RPTOR: variants seen among roughly 807,000 people sequenced by gnomAD.
RPTOR encodes the protein regulatory associated protein of MTOR complex 1.
In RPTOR, 21 loss-of-function variants were observed where a neutral mutation model predicts 169.9. The ratio of observed to expected loss-of-function variants is 0.12; its 90% CI spans 0.09 to 0.18. The LOEUF (loss-of-function observed/expected upper bound fraction) is 0.18, where lower values mean the gene tolerates loss of function less well. RPTOR is among the 10% of genes least tolerant of loss of function. The pLI, the probability that RPTOR is intolerant of heterozygous loss-of-function variation, is 1.00. For synonymous variants in RPTOR, 732 were observed against 753.2 expected (o/e 0.97, Z 0.46); for missense variants, 1,133 against 1,855.9 (o/e 0.61, Z 7.16).
At chr17:80,840,250 G>A (rs767309012) in intron 10 of RPTOR, among the ~76,000 whole-genome samples, 4 of 152,082 alleles carry the variant, frequency 2.6e-5, no homozygotes, top group Non-Finnish European at 4.4e-5. Flanking sequence ...GTGCCTGCCC[G>A]CTGTCACTCA....
At chr17:80,769,578 C>T (rs1459866962) in intron 6 of RPTOR, among the ~76,000 whole-genome samples, 2 of 152,216 alleles carry the variant, frequency 1.3e-5, no homozygotes, top group Non-Finnish European at 2.9e-5. Flanking sequence ...GGGAGAGGTG[C>T]TCCCTCTCAT....
chr17:80,677,639 GT>G (rs1392312055), intron 3 of RPTOR, among the ~76,000 whole-genome samples: 2 of 152,084 alleles, frequency 1.3e-5, no homozygotes, highest in Non-Finnish European at 2.9e-5. Flanking sequence ...CTTTTCAGGC[GT>G]TTGCTGGGCA....
intron 25 of RPTOR, among the ~76,000 whole-genome samples, chr17:80,943,324 A>G (rs540500043): frequency 6.6e-6 from 1 of 152,048 alleles, no homozygotes; most frequent in South Asian, 2.1e-4. Flanking sequence ...CTGTTGTAGG[A>G]CTTTTTAATT....
chr17:80,858,156 T>C (rs2067876006), intron 13 of RPTOR: 2 of 507,842 alleles, frequency 3.9e-6, no homozygotes, highest in Non-Finnish European at 7.2e-6. Context: ...CACACCGTCC[T>C]GTCCCTGGCC....
chr17:80,684,440 A>G (rs1459685973), intron 3 of RPTOR, among the ~76,000 whole-genome samples: 1 of 119,468 alleles, frequency 8.4e-6, no homozygotes. Context: ...TTATTTATTT[A>G]TTTATTTATT....
chr17:80,768,652 CTA>C (rs1275687981), intron 6 of RPTOR, among the ~76,000 whole-genome samples: 12 of 152,108 alleles, frequency 7.9e-5, no homozygotes, highest in African/African-American at 2.9e-4. Flanking sequence ...GTCATCATCA[CTA>C]TGTTCCAGAT....
At chr17:80,647,249 T>C (rs918754601) in intron 3 of RPTOR, among the ~76,000 whole-genome samples, 3 of 152,240 alleles carry the variant, frequency 2.0e-5, no homozygotes, top group Admixed American at 1.3e-4. Context: ...TGTATAAATT[T>C]GTGTTCTGCC....
Position 80,726,081 on chromosome 17 carries a change from G to A in RPTOR, c.508-4479G>A, listed in dbSNP as rs1429771483. ...AGCGGCCCGGCCCCAAATGGCCCTG[G>A]TGCTGAGAGGGACAGACGCCGCTCA... On this transcript the variant is annotated intron_variant, in intron 4 of 33. Transcript: ENST00000306801. The surrounding 1 kb of genome is among the most constrained non-coding windows in gnomAD (Gnocchi z 4.5). 2.0e-5 allele frequency among the ~76,000 whole-genome samples: 3 copies of A among 152,196 alleles called. No individual in the cohort carries two copies. Among genetic ancestry groups the A allele is most frequent in the East Asian group, 3.9e-4 (2 of 5,194 alleles).
chr17:80,819,652 G>T (rs1235552847), intron 7 of RPTOR, among the ~76,000 whole-genome samples: 1 of 152,204 alleles, frequency 6.6e-6, no homozygotes, highest in Non-Finnish European at 1.5e-5. Context: ...TTTACATGTG[G>T]TAAAGAAGGT....
At chr17:80,892,894 T>G (rs2068343874) in intron 19 of RPTOR, 25 bp downstream of exon 19, 8 of 1,611,066 alleles carry the variant, frequency 5.0e-6, no homozygotes, top group Non-Finnish European at 6.8e-6. Context: ...ATCGGGTTAT[T>G]GGATTGGGAG....
chr17:80,843,579 A>T (rs752977896), intron 10 of RPTOR, among the ~76,000 whole-genome samples: 1 of 151,926 alleles, frequency 6.6e-6, no homozygotes, highest in South Asian at 2.1e-4. Context: ...GTCCCTACAG[A>T]GCCGTACAGG....
At chr17:80,703,317 A>G (rs925922496) in intron 3 of RPTOR, among the ~76,000 whole-genome samples, 1 of 152,158 alleles carries the variant, frequency 6.6e-6, no homozygotes, top group Non-Finnish European at 1.5e-5. Context: ...TGACTCCGGA[A>G]GTCTTTCTGA....
intron 5 of RPTOR, among the ~76,000 whole-genome samples, chr17:80,747,818 A>G (rs1169334092): frequency 6.6e-6 from 1 of 152,170 alleles, no homozygotes; most frequent in Non-Finnish European, 1.5e-5. Context: ...CCACCACCCC[A>G]TGCCATCCTA....
intron 1 of RPTOR, among the ~76,000 whole-genome samples, chr17:80,557,489 C>T (rs138378203): frequency 2.0e-5 from 3 of 151,972 alleles, no homozygotes; most frequent in African/African-American, 7.2e-5. Flanking sequence ...TGCATTCCAG[C>T]CTGGGTGACA....
chr17:80,573,808 C>G (rs914550010), intron 1 of RPTOR, among the ~76,000 whole-genome samples: 1 of 152,186 alleles, frequency 6.6e-6, no homozygotes, highest in African/African-American at 2.4e-5. Context: ...CCACCTTACA[C>G]CCCTCTACTC....
chr17:80,809,301 C>T (rs1199272502), intron 7 of RPTOR, among the ~76,000 whole-genome samples: 5 of 152,182 alleles, frequency 3.3e-5, no homozygotes, highest in Admixed American at 6.5e-5. Context: ...CTGCAATTCT[C>T]GTGCCTTAGC....
At chr17:80,693,119 T>C (rs932067038) in intron 3 of RPTOR, among the ~76,000 whole-genome samples, 13 of 152,238 alleles carry the variant, frequency 8.5e-5, no homozygotes, top group African/African-American at 3.1e-4. Context: ...CTTCATTGTT[T>C]CCTCTAAAGC....
chr17:80,949,377 A>G, intron 27 of RPTOR, 66 bp from the exon 28 acceptor site: 4 of 1,338,574 alleles, frequency 3.0e-6, no homozygotes, highest in Non-Finnish European at 4.3e-6. Flanking sequence ...TCTTACCACC[A>G]CGCACAGAGC....
At chr17:80,634,020 A>G (rs12952775) in intron 2 of RPTOR, among the ~76,000 whole-genome samples, 113,887 of 151,982 alleles carry the variant, frequency 0.75, 43,638 homozygotes, top group African/African-American at 0.89. Context: ...TATTGCTCCC[A>G]GGACCTCTCT....
Sources: gnomAD v4.1 joint callset for allele counts (sites outside exome capture counted in the v4.1 genomes callset) on GRCh38, gnomAD v4.1.1 for gene constraint, Gnocchi (gnomAD v3.1) non-coding constraint, MANE v1.5 for transcripts, NCBI Gene and HGNC (gene_info 2026-07-23, HGNC 2026-07-21) for gene names.